The following USP10 variants were observed in gnomAD, a reference collection of about 807,000 sequenced individuals.
USP10 encodes the protein ubiquitin carboxyl-terminal hydrolase 10.
USP10 carries 22 observed loss-of-function variants against 84.5 expected under a neutral mutation model. The observed-to-expected ratio is 0.26, with a 90% CI of 0.19 to 0.37. The LOEUF (loss-of-function observed/expected upper bound fraction) is 0.37, where lower values mean the gene tolerates loss of function less well. USP10 is among the 10% of genes least tolerant of loss of function. The pLI, the probability that USP10 is intolerant of heterozygous loss-of-function variation, is 1.00. For synonymous variants in USP10, 454 were observed against 387.6 expected (o/e 1.17, Z -2.01); for missense variants, 1,019 against 998.9 (o/e 1.02, Z -0.27).
intron 1 of USP10, 75 bp downstream of exon 1, chr16:84,700,186 C>T: frequency 2.7e-6 from 3 of 1,107,316 alleles, no homozygotes; most frequent in South Asian, 3.2e-5. Context: ...GGGCGGGCGT[C>T]CGCGCCCTGC....
At chr16:84,741,166 G>A (rs1910577337) in intron 3 of USP10, among the ~76,000 whole-genome samples, 1 of 152,180 alleles carries the variant, frequency 6.6e-6, no homozygotes, top group Admixed American at 6.5e-5. Context: ...TACAATTTAG[G>A]CTTCAATAGA....
Position 84,704,894 on chromosome 16 carries a change from T to G in USP10, c.21+4783T>G, listed in dbSNP as rs895454116. 3.9e-6 allele frequency: 6 copies of G among 1,535,584 alleles called. No homozygotes were observed. In the African/African-American group the frequency reaches 6.8e-5, roughly 18 times the overall value. On this transcript the variant is annotated intron_variant, in intron 1 of 13. Coordinates refer to ENST00000219473, the MANE Select transcript of USP10 (RefSeq NM_005153.3). ...TTGAGATAGAAATGTGGTTTGGGGC[T>G]GTTACAGCCTGAATTCCTCGACTTT...
intron 4 of USP10, among the ~76,000 whole-genome samples, chr16:84,752,469 C>G (rs1912044728): frequency 6.6e-6 from 1 of 152,170 alleles, no homozygotes; most frequent in South Asian, 2.1e-4. Flanking sequence ...GGCCCGCCTT[C>G]CTCATTTTTA....
At chr16:84,735,893 C>G (rs1165487678) in intron 2 of USP10, among the ~76,000 whole-genome samples, 1 of 152,176 alleles carries the variant, frequency 6.6e-6, no homozygotes, top group Non-Finnish European at 1.5e-5. Context: ...TTTCCCCAAT[C>G]TTCAGGAATC....
intron 1 of USP10, among the ~76,000 whole-genome samples, chr16:84,732,793 G>A (rs182742097): frequency 6.6e-6 from 1 of 152,276 alleles, no homozygotes; most frequent in African/African-American, 2.4e-5. Flanking sequence ...TGAACTGGTA[G>A]GCACTTGCCA....
At chr16:84,727,707 C>T (rs1908687303) in intron 1 of USP10, among the ~76,000 whole-genome samples, 1 of 152,178 alleles carries the variant, frequency 6.6e-6, no homozygotes, top group African/African-American at 2.4e-5. Context: ...TGCAAATATA[C>T]AGACATACAA....
intron 4 of USP10, among the ~76,000 whole-genome samples, chr16:84,746,523 C>G (rs931625526): frequency 2.0e-5 from 3 of 152,122 alleles, no homozygotes; most frequent in Non-Finnish European, 2.9e-5. Context: ...TAACACAGTG[C>G]TAAGTATTTG....
chr16:84,739,439 T>C (rs1198003682), intron 2 of USP10, among the ~76,000 whole-genome samples: 1 of 151,986 alleles, frequency 6.6e-6, no homozygotes, highest in South Asian at 2.1e-4. Flanking sequence ...GCCCAGCTGA[T>C]TTTTTGTATT....
At chr16:84,709,332 G>C (rs1414993582) in intron 1 of USP10, 1 of 152,336 alleles carries the variant, frequency 6.6e-6, no homozygotes, top group African/African-American at 2.4e-5. Flanking sequence ...TGGACCTTTG[G>C]CTGGAGGGAA....
chr16:84,702,045 C>CTTTT lies in USP10; in HGVS notation c.21+1959_21+1962dup, dbSNP rs1168917308. ...ATTTATTTTGAGATGGAGTTTCGCTCTTTTTTTTTTTTTTTTTTTTTTTTT... is the reference window on the plus strand; with the variant it reads ...ATTTATTTTGAGATGGAGTTTCGCTCTTTTTTTTTTTTTTTTTTTTTTTTTTTTT... On this transcript the variant is annotated intron_variant, in intron 1 of 13. Transcript: ENST00000219473. Among the ~76,000 whole-genome samples the CTTTT allele has an allele frequency of 1.4e-4, 6 of 42,630 alleles. 1 individual carries two copies. The highest frequency in any genetic ancestry group is 1.9e-4 in the Non-Finnish European group (5 of 25,832). The allele number at this position is 42,630 out of a possible 152,430, so 28.0% of individuals were successfully genotyped here.
At chr16:84,747,388 A>G (rs902968122) in intron 4 of USP10, among the ~76,000 whole-genome samples, 1 of 152,146 alleles carries the variant, frequency 6.6e-6, no homozygotes, top group African/African-American at 2.4e-5. Flanking sequence ...TTGGGTGGCA[A>G]TAGGGTGATA....
intron 4 of USP10, among the ~76,000 whole-genome samples, chr16:84,750,007 A>G (rs572178470): frequency 6.6e-5 from 10 of 152,336 alleles, no homozygotes; most frequent in Admixed American, 4.6e-4. Flanking sequence ...GGAAGGATGT[A>G]TCTAAACACA....
At position 84,744,685 on chromosome 16, in the gene USP10, T is replaced by A; in HGVS notation, c.204T>A (p.Ser68Arg). The A allele has an allele frequency of 6.2e-7, 1 of 1,613,638 alleles. No homozygotes were observed. Among genetic ancestry groups the A allele is most frequent in the African/African-American group, 1.3e-5 (1 of 74,990 alleles). The change falls in exon 4 of 14, where the codon AGT becomes AGA. Residue 68 changes from serine to arginine, a missense_variant. By Grantham distance (110) the Ser-to-Arg change is moderately radical. This residue lies in a region of USP10 where 787 missense variants were observed against 708.8 expected (regional missense o/e 1.11). Transcript: ENST00000219473. ...EFGVDEVIEP[S>R]DTLPRTPSYS... ...GTGTCGATGAAGTCATTGAACCCAG[T>A]GACACTTTGCCGAGAACCCCCAGCT... is the stretch of plus-strand genomic sequence containing the variant.
chr16:84,779,912 G>A lies in USP10; in HGVS notation c.*830G>A, dbSNP rs1205649591. ...GTCGCCCATCAATAAAAATCACAAA[G>A]TTGGTTTAAAGGTGTGTGCGTGTTT... On this transcript the variant is annotated 3_prime_UTR_variant, in exon 14 of 14. Transcript: ENST00000219473. The A allele has an allele frequency of 6.6e-6, 1 of 152,170 alleles. No homozygotes were observed. Among genetic ancestry groups the A allele is most frequent in the African/African-American group, 2.4e-5 (1 of 41,432 alleles). 9.4% of individuals were successfully genotyped at this position (152,170 alleles called of 1,614,324 possible).
At chr16:84,754,171 C>T (rs1173767727) in intron 4 of USP10, among the ~76,000 whole-genome samples, 3 of 152,094 alleles carry the variant, frequency 2.0e-5, no homozygotes, top group Non-Finnish European at 4.4e-5. Context: ...ACTGTGGAGA[C>T]AGTGTGGAGA....
At chr16:84,730,505 A>C (rs1036651713) in intron 1 of USP10, among the ~76,000 whole-genome samples, 1 of 152,228 alleles carries the variant, frequency 6.6e-6, no homozygotes, top group African/African-American at 2.4e-5. Flanking sequence ...AAAACTAATA[A>C]ATTTGAAAAT....
At chr16:84,760,089 G>A (rs1292719213) in intron 7 of USP10, 83 bp from the exon 8 acceptor site, 14 of 1,511,142 alleles carry the variant, frequency 9.3e-6, no homozygotes, top group Non-Finnish European at 1.3e-5. Flanking sequence ...GGTGGGAGGT[G>A]GGGGAGTTTT....
chr16:84,700,624 C>T (rs929894968), intron 1 of USP10, among the ~76,000 whole-genome samples: 2 of 152,108 alleles, frequency 1.3e-5, no homozygotes, highest in African/African-American at 4.8e-5. Flanking sequence ...GCGGGGGTTG[C>T]CGATTTTCTG....
intron 1 of USP10, among the ~76,000 whole-genome samples, chr16:84,722,410 AT>A (rs1437614634): frequency 1.3e-5 from 2 of 152,192 alleles, no homozygotes; most frequent in African/African-American, 4.8e-5. Context: ...CTGTGTGGAC[AT>A]AGGTTTTCAT....
Sources: gnomAD v4.1 joint callset for allele counts (sites outside exome capture counted in the v4.1 genomes callset) on GRCh38, gnomAD v4.1.1 for gene constraint, gnomAD v4.1.1 regional missense constraint, MANE v1.5 for transcripts, NCBI Gene and HGNC (gene_info 2026-07-23, HGNC 2026-07-21) for gene names.